The following PRELID2 variants were observed in gnomAD, a reference collection of about 807,000 sequenced individuals.
PRELID2 encodes the protein PRELI domain containing 2.
In PRELID2, 25 loss-of-function variants were observed where a neutral mutation model predicts 28.4. The observed-to-expected ratio is 0.88, with a 90% confidence interval of 0.64 to 1.23. The LOEUF (loss-of-function observed/expected upper bound fraction) is 1.23, where lower values mean the gene tolerates loss of function less well. PRELID2 is among the 50% of genes most tolerant of loss of function. The pLI is 0.00. For missense variants in PRELID2, 201 were observed against 214.4 expected (o/e 0.94, Z 0.39); for synonymous variants, 76 against 71.6 (o/e 1.06, Z -0.31).
At chr5:145,373,081 CATATATA>C in the PRELID2 span, among the ~76,000 whole-genome samples, 1 of 47,382 alleles carries the variant, frequency 2.1e-5, no homozygotes, top group African/African-American at 9.2e-5. Flanking sequence ...TATATTACAA[CATATATA>C]ATATATATGA....
the PRELID2 span, among the ~76,000 whole-genome samples, chr5:145,297,133 T>G: frequency 2.0e-5 from 3 of 151,992 alleles, no homozygotes; most frequent in Admixed American, 6.6e-5. Context: ...TTTCTCCCAT[T>G]TTGTAGGTTG....
chr5:145,543,648 C>T (rs1421952148), intron 1 of PRELID2, among the ~76,000 whole-genome samples: 1 of 152,022 alleles, frequency 6.6e-6, no homozygotes, highest in Non-Finnish European at 1.5e-5. Flanking sequence ...ATTTAGAGTG[C>T]CAATGGCTTC....
At chr5:145,392,656 C>T in the PRELID2 span, among the ~76,000 whole-genome samples, 3 of 150,272 alleles carry the variant, frequency 2.0e-5, no homozygotes, top group South Asian at 2.1e-4. Flanking sequence ...CAAAAATAGA[C>T]ATCACATAAT....
At chr5:145,726,413 T>C (rs962516975) in intron 1 of PRELID2, among the ~76,000 whole-genome samples, 2 of 152,198 alleles carry the variant, frequency 1.3e-5, no homozygotes, top group South Asian at 2.1e-4. Context: ...CAGGGATCTA[T>C]AGTCAGGGAG....
At chr5:145,583,121 G>A (rs1247393380) in intron 1 of PRELID2, among the ~76,000 whole-genome samples, 5 of 152,158 alleles carry the variant, frequency 3.3e-5, no homozygotes, top group Non-Finnish European at 7.4e-5. Flanking sequence ...TCCCTGGGAT[G>A]CAAGGTTGCT....
At chr5:145,721,600 A>T (rs1253771196) in intron 1 of PRELID2, among the ~76,000 whole-genome samples, 2 of 152,172 alleles carry the variant, frequency 1.3e-5, no homozygotes, top group Non-Finnish European at 2.9e-5. Flanking sequence ...TATAGATCAA[A>T]CATAACAAGG....
chr5:145,795,076 TAA>T (rs954235700), intron 5 of PRELID2: 5 of 152,132 alleles, frequency 3.3e-5, no homozygotes, highest in Non-Finnish European at 7.4e-5. Context: ...AGCTGTATTA[TAA>T]AAAAATTCAA....
At chr5:145,620,632 A>G (rs1459495843) in intron 1 of PRELID2, among the ~76,000 whole-genome samples, 1 of 152,194 alleles carries the variant, frequency 6.6e-6, no homozygotes, top group East Asian at 1.9e-4. Context: ...ACAATTTGGG[A>G]GGCCAATGAA....
chr5:145,622,239 A>C (rs993017327), intron 1 of PRELID2, among the ~76,000 whole-genome samples: 1 of 152,152 alleles, frequency 6.6e-6, no homozygotes, highest in Non-Finnish European at 1.5e-5. Context: ...AAATGATCTA[A>C]ACTTTAAGGT....
intron 1 of PRELID2, among the ~76,000 whole-genome samples, chr5:145,595,596 G>A (rs1753294035): frequency 6.6e-6 from 1 of 152,078 alleles, no homozygotes; most frequent in Non-Finnish European, 1.5e-5. Context: ...GGTCGTTAAT[G>A]AATTCCATGT....
chr5:145,415,209 C>T, the PRELID2 span, among the ~76,000 whole-genome samples: 1 of 152,086 alleles, frequency 6.6e-6, no homozygotes, highest in Non-Finnish European at 1.5e-5. Flanking sequence ...GGAAATCGAA[C>T]AACGTGTTCC....
chr5:145,531,264 C>A (rs1292026180), intron 1 of PRELID2, among the ~76,000 whole-genome samples: 1 of 152,096 alleles, frequency 6.6e-6, no homozygotes, highest in African/African-American at 2.4e-5. Flanking sequence ...AGTTGTTATG[C>A]TGTGTCTCTG....
chr5:145,475,721 A>G (rs1310083558), intron 1 of PRELID2, among the ~76,000 whole-genome samples: 2 of 152,178 alleles, frequency 1.3e-5, no homozygotes, highest in African/African-American at 4.8e-5. Flanking sequence ...TTTCCAGCTT[A>G]AGTTAATATT....
chr5:145,342,385 C>T, the PRELID2 span, among the ~76,000 whole-genome samples: 1 of 151,912 alleles, frequency 6.6e-6, no homozygotes, highest in Non-Finnish European at 1.5e-5. Context: ...CTGCAGAAAC[C>T]CACCAAACCA....
the PRELID2 span, among the ~76,000 whole-genome samples, chr5:145,249,342 A>T: frequency 6.6e-6 from 1 of 152,140 alleles, no homozygotes; most frequent in East Asian, 1.9e-4. Context: ...AGTTGATAAG[A>T]TTAATTTGGT....
intron 1 of PRELID2, among the ~76,000 whole-genome samples, chr5:145,665,525 T>C (rs1347561280): frequency 1.3e-5 from 2 of 152,128 alleles, no homozygotes; most frequent in East Asian, 3.9e-4. Context: ...TAGTCAGTAA[T>C]TTAACACTCA....
chr5:145,372,852 T>C, the PRELID2 span, among the ~76,000 whole-genome samples: 1 of 137,696 alleles, frequency 7.3e-6, no homozygotes, highest in Admixed American at 8.2e-5. Context: ...TAAGGTTATA[T>C]ATTATTATTA....
At chr5:145,640,576 G>A (rs1230305793) in intron 1 of PRELID2, among the ~76,000 whole-genome samples, 3 of 150,648 alleles carry the variant, frequency 2.0e-5, no homozygotes, top group Admixed American at 6.6e-5. Context: ...CCCGGGAGGC[G>A]GAGCTTGCAG....
the PRELID2 span, among the ~76,000 whole-genome samples, chr5:145,406,605 C>G: frequency 1.3e-5 from 2 of 152,196 alleles, no homozygotes; most frequent in South Asian, 2.1e-4. Flanking sequence ...CTTGGACAGA[C>G]AGAACAGCAT....
Sources: gnomAD v4.1 joint callset for allele counts (sites outside exome capture counted in the v4.1 genomes callset) on GRCh38, gnomAD v4.1.1 for gene constraint, MANE v1.5 for transcripts, NCBI Gene and HGNC (gene_info 2026-07-23, HGNC 2026-07-21) for gene names.